LRRC49: variants seen among roughly 807,000 people sequenced by gnomAD.
The protein encoded by LRRC49 is leucine rich repeat containing 49.
A neutral mutation model predicts 83.3 loss-of-function variants in LRRC49; 50 were observed. That is an observed-to-expected ratio of 0.60 (90% confidence interval 0.48 to 0.76). The LOEUF (loss-of-function observed/expected upper bound fraction) is 0.76. Among genes scored for constraint, LRRC49 ranks in the 30% least tolerant of loss-of-function variants. LRRC49 has a pLI of 0.00. For synonymous variants in LRRC49, 286 were observed against 283.3 expected (o/e 1.01, Z -0.10); for missense variants, 704 against 809.1 (o/e 0.87, Z 1.58).
intron 2 of LRRC49, among the ~76,000 whole-genome samples, chr15:70,883,136 T>C (rs915529214): frequency 6.6e-6 from 1 of 152,178 alleles, no homozygotes; most frequent in Non-Finnish European, 1.5e-5. Flanking sequence ...CCAGAATGCA[T>C]AAGCTATTTG....
intron 6 of LRRC49, among the ~76,000 whole-genome samples, chr15:70,916,761 G>T (rs541381819): frequency 6.6e-6 from 1 of 152,252 alleles, no homozygotes; most frequent in Non-Finnish European, 1.5e-5. Flanking sequence ...AGCTCCCCGG[G>T]TGCTGCTGCA....
intron 14 of LRRC49, among the ~76,000 whole-genome samples, chr15:71,033,692 A>G (rs2039430010): frequency 6.6e-6 from 1 of 152,174 alleles, no homozygotes; most frequent in African/African-American, 2.4e-5. Context: ...AAACAGACAC[A>G]TACACCAGTG....
chr15:70,923,287 T>A (rs1007624832), intron 7 of LRRC49, among the ~76,000 whole-genome samples: 4 of 151,910 alleles, frequency 2.6e-5, no homozygotes, highest in Non-Finnish European at 5.9e-5. Context: ...TTTGCTGAGG[T>A]TTTTATTTAC....
chr15:70,942,033 ATGTGTGTGTGTGTGTGTGTG>A lies in LRRC49; in HGVS notation c.773+5233_773+5252del, dbSNP rs34818331. The stretch of plus-strand genomic sequence containing the variant: ...CTCCATTTTTATTACTGTAAAGGTT[ATGTGTGTGTGTGTGTGTGTG>A]TGTGTGTGTGTGTGTGTGTGTAAGC... On this transcript the variant is annotated intron_variant, in intron 8 of 15. Coordinates refer to ENST00000260382, the MANE Select transcript of LRRC49 (RefSeq NM_017691.5). Among the ~76,000 whole-genome samples, 48 of 144,188 alleles carry A rather than the reference ATGTGTGTGTGTGTGTGTGTG, an allele frequency of 3.3e-4. 2 individuals are homozygous for A. In the East Asian group the frequency reaches 8.9e-3, roughly 27 times the overall value. 94.6% of individuals were successfully genotyped at this position (144,188 alleles called of 152,430 possible).
chr15:71,015,005 T>A (rs1329821272), intron 14 of LRRC49, among the ~76,000 whole-genome samples: 2 of 152,150 alleles, frequency 1.3e-5, no homozygotes, highest in African/African-American at 4.8e-5. Context: ...TGAAAGTAAA[T>A]CTTCAAGTAT....
chr15:70,943,155 G>A (rs2035883468), intron 8 of LRRC49, among the ~76,000 whole-genome samples: 1 of 151,918 alleles, frequency 6.6e-6, no homozygotes, highest in African/African-American at 2.4e-5. Context: ...GGTTGATCCT[G>A]TTGAGGTTTA....
At position 71,001,816 on chromosome 15, in the gene LRRC49, T is replaced by C. The variant is rs956981679; in HGVS notation, c.1170-6563T>C. On this transcript the variant is annotated intron_variant, in intron 11 of 15. Coordinates refer to ENST00000260382, the MANE Select transcript of LRRC49 (RefSeq NM_017691.5). The stretch of plus-strand genomic sequence containing the variant: ...ACACCATTCTCCTGCCTCAGCCTCC[T>C]GAGTAGCTGGGACTACAGGTGCCCG... Among the ~76,000 whole-genome samples, 4 of 151,970 alleles carry C rather than the reference T, an allele frequency of 2.6e-5. No individual in the cohort carries two copies. The South Asian group carries it at 8.3e-4, about 32-fold the overall frequency.
chr15:70,876,213 G>T (rs935144927), intron 2 of LRRC49, among the ~76,000 whole-genome samples: 1 of 152,078 alleles, frequency 6.6e-6, no homozygotes, highest in Non-Finnish European at 1.5e-5. Context: ...CTCACTACTC[G>T]AATTGCCTGA....
At chr15:70,872,968 C>A (rs557088026) in exon 2 of LRRC49, 62 of 492,888 alleles carry the variant, frequency 1.3e-4, no homozygotes, top group Admixed American at 1.3e-4. Flanking sequence ...TCACTGCAAC[C>A]TCCACCTCCC....
At chr15:70,887,214 C>A (rs577744403) in intron 2 of LRRC49, among the ~76,000 whole-genome samples, 1 of 151,996 alleles carries the variant, frequency 6.6e-6, no homozygotes, top group South Asian at 2.1e-4. Flanking sequence ...TGGATATATG[C>A]CATTTTATAT....
At chr15:70,853,986 C>T (rs2032571589) in intron 1 of LRRC49, 1 of 1,465,034 alleles carries the variant, frequency 6.8e-7, no homozygotes, top group Non-Finnish European at 9.1e-7. Flanking sequence ...GCCCCCTCCT[C>T]CTCGTCCTCC....
chr15:70,988,803 C>T (rs1393743550), intron 11 of LRRC49, among the ~76,000 whole-genome samples: 1 of 152,080 alleles, frequency 6.6e-6, no homozygotes, highest in African/African-American at 2.4e-5. Flanking sequence ...TTTAGTGCTT[C>T]CTTCAGGAGC....
At chr15:70,942,258 T>C (rs1240621006) in intron 8 of LRRC49, among the ~76,000 whole-genome samples, 1 of 152,092 alleles carries the variant, frequency 6.6e-6, no homozygotes, top group South Asian at 2.1e-4. Context: ...AAAGGTCCCT[T>C]TGGATTTTAT....
At chr15:70,853,765 C>CCGG (rs2032557607) in intron 1 of LRRC49, 1 of 704,068 alleles carries the variant, frequency 1.4e-6, no homozygotes, top group African/African-American at 1.9e-5. Context: ...AGCTGCTTCC[C>CCGG]CGGCGGCGGG....
At chr15:71,036,311 T>G (rs1338453587) in intron 14 of LRRC49, among the ~76,000 whole-genome samples, 1 of 152,052 alleles carries the variant, frequency 6.6e-6, no homozygotes, top group Admixed American at 6.6e-5. Context: ...ATATGAACAT[T>G]ATTAATTTAT....
intron 7 of LRRC49, among the ~76,000 whole-genome samples, chr15:70,930,784 G>C (rs946262607): frequency 6.6e-6 from 1 of 152,144 alleles, no homozygotes; most frequent in Non-Finnish European, 1.5e-5. Context: ...TCTGGAGATG[G>C]CTTCTGTCCT....
intron 1 of LRRC49, among the ~76,000 whole-genome samples, chr15:70,863,352 T>A (rs1206250106): frequency 6.6e-6 from 1 of 152,172 alleles, no homozygotes; most frequent in African/African-American, 2.4e-5. Context: ...GGTCTTTCAA[T>A]AAAAACAACA....
At chr15:70,902,106 C>A (rs570843358) in intron 4 of LRRC49, among the ~76,000 whole-genome samples, 4 of 152,068 alleles carry the variant, frequency 2.6e-5, no homozygotes, top group African/African-American at 4.8e-5. Context: ...GACATCTTTG[C>A]GGTATAAGTG....
At chr15:70,868,648 C>G (rs1288506813) in intron 1 of LRRC49, among the ~76,000 whole-genome samples, 2 of 152,236 alleles carry the variant, frequency 1.3e-5, no homozygotes, top group Non-Finnish European at 2.9e-5. Context: ...CTACCACGTT[C>G]CCGGGTGATG....
Sources: allele counts gnomAD v4.1 joint callset (sites outside exome capture counted in the v4.1 genomes callset), GRCh38; gene constraint gnomAD v4.1.1; transcripts MANE v1.5; gene names NCBI Gene and HGNC (gene_info 2026-07-23, HGNC 2026-07-21).